GRID2: variants seen among roughly 807,000 people sequenced by gnomAD.
GRID2 encodes the protein glutamate receptor ionotropic, delta-2.
A neutral mutation model predicts 114.8 loss-of-function variants in GRID2; 33 were observed. The ratio of observed to expected loss-of-function variants is 0.29; its 90% confidence interval spans 0.22 to 0.38. GRID2 has a LOEUF of 0.38. Among genes scored for constraint, GRID2 ranks in the 10% least tolerant of loss-of-function variants. The probability of loss-of-function intolerance (pLI) is 1.00; values close to 1 mark genes in which losing one functional copy is unlikely to be tolerated. For missense variants in GRID2, 1,184 were observed against 1,257.7 expected (o/e 0.94, Z 0.89); for synonymous variants, 505 against 449.9 (o/e 1.12, Z -1.55).
intron 4 of GRID2, among the ~76,000 whole-genome samples, chr4:93,144,978 C>T (rs1489997819): frequency 6.6e-6 from 1 of 152,162 alleles, no homozygotes; most frequent in Non-Finnish European, 1.5e-5. Context: ...CTACCTTTAC[C>T]TTTACCGACC....
chr4:92,854,264 C>G (rs1400959439), intron 2 of GRID2, among the ~76,000 whole-genome samples: 1 of 151,982 alleles, frequency 6.6e-6, no homozygotes. Context: ...GTATTTCCCT[C>G]ATGCTGAACA....
chr4:92,592,999 C>T (rs1728778031), intron 2 of GRID2, among the ~76,000 whole-genome samples: 1 of 151,972 alleles, frequency 6.6e-6, no homozygotes, highest in Non-Finnish European at 1.5e-5. Context: ...TACTGCAATA[C>T]TATGCAAACT....
chr4:93,275,431 C>CATATATATATATATATATATATATATAT (rs3078736), intron 8 of GRID2, among the ~76,000 whole-genome samples: 2 of 147,960 alleles, frequency 1.4e-5, no homozygotes, highest in African/African-American at 5.0e-5. Context: ...TGGATATATA[C>CATATATATATATATATATATATATATAT]ATATATATAT....
At chr4:93,480,653 T>C (rs1725762458) in intron 11 of GRID2, among the ~76,000 whole-genome samples, 1 of 152,072 alleles carries the variant, frequency 6.6e-6, no homozygotes, top group African/African-American at 2.4e-5. Flanking sequence ...CTCTTATAGT[T>C]AGTCATCCAC....
intron 2 of GRID2, among the ~76,000 whole-genome samples, chr4:92,646,275 TA>T (rs536120705): frequency 6.6e-4 from 100 of 152,324 alleles, no homozygotes; most frequent in South Asian, 4.3e-3. Context: ...GCCCAATTTT[TA>T]AAAATTGAGT....
chr4:92,944,554 C>T (rs766447502), intron 2 of GRID2, among the ~76,000 whole-genome samples: 24 of 152,206 alleles, frequency 1.6e-4, no homozygotes, highest in Non-Finnish European at 2.9e-4. Context: ...TGCTTCAGCT[C>T]ATGCTCAGTG....
At chr4:93,717,362 A>G (rs1728986482) in intron 14 of GRID2, among the ~76,000 whole-genome samples, 1 of 151,768 alleles carries the variant, frequency 6.6e-6, no homozygotes, top group Non-Finnish European at 1.5e-5. Flanking sequence ...AATGGAAGTA[A>G]TATGGATAAC....
chr4:93,539,535 T>G (rs1407461134), intron 13 of GRID2, among the ~76,000 whole-genome samples: 3 of 152,086 alleles, frequency 2.0e-5, no homozygotes, highest in Admixed American at 6.6e-5. Flanking sequence ...TCCCTTAGCA[T>G]GTGTTAGGTC....
At chr4:92,791,388 T>TC (rs966423109) in intron 2 of GRID2, among the ~76,000 whole-genome samples, 42 of 151,900 alleles carry the variant, frequency 2.8e-4, no homozygotes, top group Admixed American at 7.2e-4. Flanking sequence ...CTTAAAAAAA[T>TC]CACTAATGTA....
intron 4 of GRID2, among the ~76,000 whole-genome samples, chr4:93,202,778 T>C (rs1287027019): frequency 6.6e-6 from 1 of 152,150 alleles, no homozygotes; most frequent in African/African-American, 2.4e-5. Flanking sequence ...AATTATTTTT[T>C]TGTAAGTGCT....
chr4:93,745,410 C>T (rs886138424), intron 14 of GRID2, among the ~76,000 whole-genome samples: 2 of 152,008 alleles, frequency 1.3e-5, no homozygotes, highest in South Asian at 2.1e-4. Context: ...CTTATTTCCT[C>T]GGTTTAACAA....
chr4:93,144,181 C>T (rs1411856115), intron 4 of GRID2, among the ~76,000 whole-genome samples: 1 of 151,998 alleles, frequency 6.6e-6, no homozygotes, highest in Non-Finnish European at 1.5e-5. Context: ...CCACACTTTG[C>T]GAACAACTAT....
chr4:92,687,189 T>A (rs921488164), intron 2 of GRID2, among the ~76,000 whole-genome samples: 2 of 151,990 alleles, frequency 1.3e-5, no homozygotes, highest in African/African-American at 4.8e-5. Context: ...TTGATTTTTT[T>A]TTTTTTTCAG....
intron 12 of GRID2, among the ~76,000 whole-genome samples, chr4:93,502,786 A>G (rs1031560215): frequency 6.6e-6 from 1 of 150,912 alleles, no homozygotes; most frequent in African/African-American, 2.4e-5. Context: ...TCAAGCCCAG[A>G]TGCTAAAGAG....
At chr4:93,290,885 T>TG (rs1753675439) in intron 8 of GRID2, among the ~76,000 whole-genome samples, 1 of 142,442 alleles carries the variant, frequency 7.0e-6, no homozygotes, top group African/African-American at 2.6e-5. Context: ...TTTTTTTTTT[T>TG]TTTTTTTTTT....
intron 2 of GRID2, among the ~76,000 whole-genome samples, chr4:92,827,789 A>AT (rs112376543): frequency 2.0e-5 from 3 of 152,204 alleles, no homozygotes; most frequent in African/African-American, 7.2e-5. Flanking sequence ...GCTAAAATAA[A>AT]TCTAGTTTGC....
At chr4:92,343,864 G>T (rs1213349517) in intron 1 of GRID2, among the ~76,000 whole-genome samples, 1 of 152,176 alleles carries the variant, frequency 6.6e-6, no homozygotes, top group Non-Finnish European at 1.5e-5. Flanking sequence ...GTGAGCCAGT[G>T]CTCCCAGCTA....
rs998786794 is a variant in GRID2, at chr4:92,313,159, C to T, written c.88+8415C>T. Among the ~76,000 whole-genome samples, 15 of 149,744 alleles carry T rather than the reference C, an allele frequency of 1.0e-4. 1 individual carries two copies. Among genetic ancestry groups the T allele is most frequent in the Admixed American group, 2.7e-4 (4 of 14,950 alleles). On this transcript the variant is annotated intron_variant, in intron 1 of 15. Coordinates refer to ENST00000282020, the MANE Select transcript of GRID2 (RefSeq NM_001510.4). ...AATACTACTCAGCCATAAAAAAGAA[C>T]GAATTAACAGCATTTGCAATGACTT...
intron 2 of GRID2, among the ~76,000 whole-genome samples, chr4:92,818,305 T>A (rs1481319636): frequency 2.0e-5 from 3 of 152,172 alleles, no homozygotes; most frequent in African/African-American, 7.2e-5. Flanking sequence ...ATTCCTTCTT[T>A]TTTTTGTATT....
Sources: gnomAD v4.1 joint callset for allele counts (sites outside exome capture counted in the v4.1 genomes callset) on GRCh38, gnomAD v4.1.1 for gene constraint, MANE v1.5 for transcripts, NCBI Gene and HGNC (gene_info 2026-07-23, HGNC 2026-07-21) for gene names.